Variants in RABGAP1L observed in about 807,000 individuals in gnomAD.
The protein encoded by RABGAP1L is rab GTPase-activating protein 1-like.
A neutral mutation model predicts 137.7 loss-of-function variants in RABGAP1L; 63 were observed. That is an observed-to-expected ratio of 0.46 (90% CI 0.37 to 0.56). The LOEUF (loss-of-function observed/expected upper bound fraction) is 0.56, where lower values mean the gene tolerates loss of function less well. Among genes scored for constraint, RABGAP1L ranks in the 20% least tolerant of loss-of-function variants. The probability of loss-of-function intolerance (pLI) is 0.00; values close to 1 mark genes in which losing one functional copy is unlikely to be tolerated. For missense variants in RABGAP1L, 1,095 were observed against 1,244.0 expected (o/e 0.88, Z 1.80); for synonymous variants, 431 against 433.7 (o/e 0.99, Z 0.08).
At chr1:174,553,912 C>T (rs1370099162) in intron 13 of RABGAP1L, among the ~76,000 whole-genome samples, 1 of 152,086 alleles carries the variant, frequency 6.6e-6, no homozygotes, top group Admixed American at 6.6e-5. Flanking sequence ...AGAATTTGGG[C>T]CGGGGAGGTC....
intron 10 of RABGAP1L, among the ~76,000 whole-genome samples, chr1:174,291,547 T>A (rs1451160870): frequency 6.6e-6 from 1 of 152,186 alleles, no homozygotes; most frequent in Non-Finnish European, 1.5e-5. Context: ...TCTTCCTTAA[T>A]TGTTGGATAG....
chr1:174,618,853 C>A (rs1037321163), intron 13 of RABGAP1L, among the ~76,000 whole-genome samples: 7 of 151,904 alleles, frequency 4.6e-5, no homozygotes, highest in East Asian at 1.9e-4. Flanking sequence ...AGCTACAGGA[C>A]GAAATTCAAA....
chr1:174,914,146 G>A (rs138679722), intron 19 of RABGAP1L, among the ~76,000 whole-genome samples: 151 of 152,264 alleles, frequency 9.9e-4, no homozygotes, highest in Middle Eastern at 6.8e-3. Flanking sequence ...AACTGTGATT[G>A]CATTATCCTA....
At chr1:174,931,257 A>G (rs932458243) in intron 19 of RABGAP1L, among the ~76,000 whole-genome samples, 4 of 152,200 alleles carry the variant, frequency 2.6e-5, no homozygotes, top group African/African-American at 4.8e-5. Flanking sequence ...TCTTTGCATT[A>G]TATTCTGAAA....
chr1:174,280,610 A>G (rs1199606024), intron 10 of RABGAP1L, among the ~76,000 whole-genome samples: 1 of 152,172 alleles, frequency 6.6e-6, no homozygotes, highest in Admixed American at 6.6e-5. Context: ...GGGATGTATG[A>G]AAGTCTGCTT....
At chr1:174,842,700 T>C (rs1223478932) in intron 19 of RABGAP1L, among the ~76,000 whole-genome samples, 1 of 152,192 alleles carries the variant, frequency 6.6e-6, no homozygotes, top group East Asian at 1.9e-4. Context: ...GTACATGGTA[T>C]GCTCATAAGT....
intron 19 of RABGAP1L, among the ~76,000 whole-genome samples, chr1:174,888,670 A>AT (rs557567318): frequency 6.6e-6 from 1 of 151,822 alleles, no homozygotes; most frequent in African/African-American, 2.4e-5. Context: ...TAATTTTTGT[A>AT]TTTTTTTAGT....
chr1:174,666,542 A>G (rs1676800507), intron 14 of RABGAP1L, among the ~76,000 whole-genome samples: 1 of 152,236 alleles, frequency 6.6e-6, no homozygotes, highest in African/African-American at 2.4e-5. Flanking sequence ...CAGTACCAAG[A>G]AGCTAAATGG....
chr1:174,318,493 CTA>C (rs1470579968), intron 11 of RABGAP1L, among the ~76,000 whole-genome samples: 2 of 152,020 alleles, frequency 1.3e-5, no homozygotes, highest in Admixed American at 1.3e-4. Flanking sequence ...TTCAGCCACT[CTA>C]TGTCTTTTGA....
At chr1:174,460,448 A>T (rs1031323029) in intron 13 of RABGAP1L, among the ~76,000 whole-genome samples, 1 of 152,056 alleles carries the variant, frequency 6.6e-6, no homozygotes, top group African/African-American at 2.4e-5. Flanking sequence ...CTTTTTCTAA[A>T]GGATTTTTAA....
At chr1:174,892,728 C>CTTTTTTTTTTTTTTTTTTTTGTTTTT in intron 19 of RABGAP1L, 1 of 395,592 alleles carries the variant, frequency 2.5e-6, no homozygotes, top group Admixed American at 3.1e-5. Context: ...TCTTTGTTTT[C>CTTTTTTTTTTTTTTTTTTTTGTTTTT]TTTCTTTTTT....
At position 174,833,466 on chromosome 1, in the gene RABGAP1L, A is replaced by ATATATAT. The variant is rs71117580; in HGVS notation, c.2340+21508_2340+21509insTATATTA. Among the ~76,000 whole-genome samples, 79 of 61,162 alleles carry ATATATAT rather than the reference A, an allele frequency of 1.3e-3. 21 individuals carry two copies. The highest frequency in any genetic ancestry group is 2.0e-3 in the Non-Finnish European group (50 of 24,652). 40.1% of individuals were successfully genotyped at this position (61,162 alleles called of 152,430 possible). ...TGTGTAGAGATATATATATATATAT[A>ATATATAT]TAGTAGAGACAGGGTTCTGTCATGT... On this transcript the variant is annotated intron_variant, in intron 19 of 25. Transcript: ENST00000681986.
chr1:174,177,643 T>G (rs961742372), intron 1 of RABGAP1L, among the ~76,000 whole-genome samples: 3 of 152,184 alleles, frequency 2.0e-5, no homozygotes, highest in Non-Finnish European at 2.9e-5. Flanking sequence ...AATCCATCTT[T>G]AGTTAATTTT....
intron 9 of RABGAP1L, among the ~76,000 whole-genome samples, chr1:174,276,969 A>G (rs1037246522): frequency 4.1e-5 from 6 of 146,554 alleles, no homozygotes; most frequent in Admixed American, 4.1e-4. Flanking sequence ...TCATATTTAG[A>G]ATATAATGGA....
At chr1:174,331,404 T>G (rs2148864127) in intron 11 of RABGAP1L, among the ~76,000 whole-genome samples, 1 of 152,272 alleles carries the variant, frequency 6.6e-6, no homozygotes, top group South Asian at 2.1e-4. Context: ...GCCTATGACA[T>G]TAGAAAATAT....
At chr1:174,525,470 G>A (rs757410275) in intron 13 of RABGAP1L, among the ~76,000 whole-genome samples, 2 of 151,920 alleles carry the variant, frequency 1.3e-5, no homozygotes, top group Admixed American at 6.6e-5. Context: ...AAATGCTTCC[G>A]ATTTTTGTTT....
chr1:174,734,946 ATCTC>A (rs1359934793), intron 17 of RABGAP1L, among the ~76,000 whole-genome samples: 1 of 140,026 alleles, frequency 7.1e-6, no homozygotes, highest in Non-Finnish European at 1.5e-5. Context: ...GGAAATTAGG[ATCTC>A]TCTCTTTTTT....
intron 24 of RABGAP1L, among the ~76,000 whole-genome samples, chr1:174,983,577 A>G (rs1671317354): frequency 6.6e-6 from 1 of 152,226 alleles, no homozygotes; most frequent in Non-Finnish European, 1.5e-5. Flanking sequence ...TTATTTGAAT[A>G]TGTTCAGGTT....
chr1:174,526,041 A>G (rs2147865637), intron 13 of RABGAP1L, among the ~76,000 whole-genome samples: 1 of 152,126 alleles, frequency 6.6e-6, no homozygotes, highest in East Asian at 1.9e-4. Flanking sequence ...GATGTTGAAC[A>G]TTTTTTCATA....
Sources: gnomAD v4.1 joint callset for allele counts (sites outside exome capture counted in the v4.1 genomes callset) on GRCh38, gnomAD v4.1.1 for gene constraint, MANE v1.5 for transcripts, NCBI Gene and HGNC (gene_info 2026-07-23, HGNC 2026-07-21) for gene names.